NAALADL2: variants seen among roughly 807,000 people sequenced by gnomAD.
NAALADL2 encodes the protein N-acetylated alpha-linked acidic dipeptidase like 2.
In NAALADL2, 76 loss-of-function variants were observed where a neutral mutation model predicts 87.2. The observed-to-expected ratio is 0.87, with a 90% confidence interval of 0.72 to 1.05. NAALADL2 has a LOEUF of 1.05. NAALADL2 is among the 50% of genes least tolerant of loss of function. The pLI, the probability that NAALADL2 is intolerant of heterozygous loss-of-function variation, is 0.00. For synonymous variants in NAALADL2, 354 were observed against 331.0 expected (o/e 1.07, Z -0.75); for missense variants, 1,089 against 945.8 (o/e 1.15, Z -1.99).
chr3:175,496,359 A>G (rs1447024664), intron 9 of NAALADL2, among the ~76,000 whole-genome samples: 1 of 151,834 alleles, frequency 6.6e-6, no homozygotes, highest in African/African-American at 2.4e-5. Flanking sequence ...AAGTTAGACA[A>G]TTTATGTTTA....
intron 9 of NAALADL2, among the ~76,000 whole-genome samples, chr3:175,510,056 G>T (rs566198397): frequency 6.7e-6 from 1 of 148,260 alleles, no homozygotes; most frequent in South Asian, 2.1e-4. Context: ...GTGTCCATGT[G>T]TTCTCATTGT....
At chr3:174,781,749 A>G (rs1716011361) in intron 3 of NAALADL2, among the ~76,000 whole-genome samples, 1 of 152,016 alleles carries the variant, frequency 6.6e-6, no homozygotes, top group Non-Finnish European at 1.5e-5. Context: ...AGGAGAGGTA[A>G]TATTGAGCAC....
intron 5 of NAALADL2, among the ~76,000 whole-genome samples, chr3:175,437,171 C>T (rs1198780757): frequency 5.3e-5 from 8 of 151,784 alleles, no homozygotes; most frequent in East Asian, 3.9e-4. Flanking sequence ...AGGTATGTGG[C>T]GTTATTTCTG....
chr3:175,652,736 C>T (rs1211805147), intron 11 of NAALADL2, among the ~76,000 whole-genome samples: 1 of 151,830 alleles, frequency 6.6e-6, no homozygotes, highest in Non-Finnish European at 1.5e-5. Context: ...CCTCGGCCTC[C>T]CAAAGTGCTG....
At chr3:174,695,006 G>A (rs1342012517) in intron 2 of NAALADL2, among the ~76,000 whole-genome samples, 1 of 151,914 alleles carries the variant, frequency 6.6e-6, no homozygotes. Flanking sequence ...CTTGCTTAAT[G>A]CTTGAATATA....
intron 10 of NAALADL2, among the ~76,000 whole-genome samples, chr3:175,596,835 G>A (rs1274870305): frequency 6.6e-6 from 1 of 151,874 alleles, no homozygotes; most frequent in Non-Finnish European, 1.5e-5. Flanking sequence ...AGTCCTAAAA[G>A]TTGTTTTCCA....
At chr3:175,319,649 G>A (rs1032423434) in intron 4 of NAALADL2, among the ~76,000 whole-genome samples, 1 of 151,992 alleles carries the variant, frequency 6.6e-6, no homozygotes, top group Non-Finnish European at 1.5e-5. Flanking sequence ...GTGAAAGCAC[G>A]TATCTACTAA....
intron 1 of NAALADL2, among the ~76,000 whole-genome samples, chr3:175,096,585 T>G (rs1293867896): frequency 6.6e-6 from 1 of 151,660 alleles, no homozygotes; most frequent in Non-Finnish European, 1.5e-5. Context: ...CTACTTTCAT[T>G]TTTCTTTTGT....
chr3:175,041,540 C>T (rs549057806), intron 1 of NAALADL2, among the ~76,000 whole-genome samples: 1 of 152,238 alleles, frequency 6.6e-6, no homozygotes, highest in Admixed American at 6.5e-5. Flanking sequence ...ATCTTCTGCT[C>T]ATGGATGACA....
At chr3:174,855,962 GTA>G (rs200519714), upstream of NAALADL2, among the ~76,000 whole-genome samples, 2,779 of 115,670 alleles carry the variant, frequency 0.024, 106 homozygotes, top group African/African-American at 0.096. Flanking sequence ...GAATATATGT[GTA>G]TGTGTGTGTG....
intron 13 of NAALADL2, among the ~76,000 whole-genome samples, chr3:175,786,692 T>C (rs1447930861): frequency 1.3e-5 from 2 of 152,226 alleles, no homozygotes; most frequent in Non-Finnish European, 2.9e-5. Context: ...AGCCTTCTTC[T>C]CTCATCTCGT....
chr3:174,500,361 A>G (rs573246548), intron 1 of NAALADL2, among the ~76,000 whole-genome samples: 17 of 152,198 alleles, frequency 1.1e-4, no homozygotes, highest in African/African-American at 3.9e-4. Context: ...ATCATGTCCT[A>G]TATGATCATT....
chr3:175,001,847 C>T (rs540483511), intron 1 of NAALADL2, among the ~76,000 whole-genome samples: 146 of 152,242 alleles, frequency 9.6e-4, no homozygotes, highest in Admixed American at 1.6e-3. Context: ...TCTGATGCCA[C>T]AAGTGGAAAA....
At chr3:175,682,960 A>G (rs538529886) in intron 11 of NAALADL2, among the ~76,000 whole-genome samples, 1 of 152,188 alleles carries the variant, frequency 6.6e-6, no homozygotes, top group Admixed American at 6.5e-5. Context: ...GAGAGATCTC[A>G]AAGTAAATCA....
chr3:174,701,676 AG>A (rs139420441), intron 2 of NAALADL2, among the ~76,000 whole-genome samples: 67,337 of 151,810 alleles, frequency 0.44, 15,188 homozygotes, highest in South Asian at 0.52. Context: ...CTGTCACTAT[AG>A]ATAAGAATTT....
chr3:174,629,592 AG>A, intron 2 of NAALADL2, among the ~76,000 whole-genome samples: 1 of 152,340 alleles, frequency 6.6e-6, no homozygotes, highest in African/African-American at 2.4e-5. Context: ...CTTTTAATGA[AG>A]GGTAAAACAT....
intron 2 of NAALADL2, among the ~76,000 whole-genome samples, chr3:174,733,861 T>A (rs1334290169): frequency 2.6e-5 from 4 of 152,150 alleles, no homozygotes; most frequent in African/African-American, 9.7e-5. Context: ...TCATGATGAA[T>A]GAGGGGTCTG....
intron 2 of NAALADL2, among the ~76,000 whole-genome samples, chr3:174,718,195 G>A (rs1731384590): frequency 6.6e-6 from 1 of 152,096 alleles, no homozygotes; most frequent in African/African-American, 2.4e-5. Context: ...GAAAAATTCT[G>A]CAATGAAGCA....
At chr3:175,615,623 C>T (rs1387455269) in intron 10 of NAALADL2, among the ~76,000 whole-genome samples, 1 of 151,800 alleles carries the variant, frequency 6.6e-6, no homozygotes, top group Non-Finnish European at 1.5e-5. Context: ...CTTGGGGGGC[C>T]AAGGTAGGAG....
Sources: allele counts gnomAD v4.1 joint callset (sites outside exome capture counted in the v4.1 genomes callset), GRCh38; gene constraint gnomAD v4.1.1; transcripts MANE v1.5; gene names NCBI Gene and HGNC (gene_info 2026-07-23, HGNC 2026-07-21).